The following MAST2 variants were observed in gnomAD, a reference collection of about 807,000 sequenced individuals.
MAST2 encodes the protein microtubule-associated serine/threonine-protein kinase 2.
MAST2 carries 70 observed loss-of-function variants against 147.4 expected under a neutral mutation model. That is an observed-to-expected ratio of 0.47 (90% CI 0.39 to 0.58). The LOEUF (loss-of-function observed/expected upper bound fraction) is 0.58, where lower values mean the gene tolerates loss of function less well. Among genes scored for constraint, MAST2 ranks in the 20% least tolerant of loss-of-function variants. The probability of loss-of-function intolerance (pLI) is 0.00; values close to 1 mark genes in which losing one functional copy is unlikely to be tolerated. For synonymous variants in MAST2, 869 were observed against 896.8 expected, an observed-to-expected ratio of 0.97 and a Z score of 0.55; for missense variants, 2,080 against 2,302.3, an observed-to-expected ratio of 0.90 and a Z score of 1.98.
intron 5 of MAST2, among the ~76,000 whole-genome samples, chr1:45,960,183 G>A (rs1660218112): frequency 6.6e-6 from 1 of 152,178 alleles, no homozygotes; most frequent in African/African-American, 2.4e-5. Context: ...ACAGTATAAG[G>A]ACTGATTTAC....
At chr1:46,027,652 GGAAAC>G in intron 16 of MAST2, 74 bp from the exon 17 acceptor site, 6 of 1,486,588 alleles carry the variant, frequency 4.0e-6, no homozygotes, top group Admixed American at 3.9e-5. Flanking sequence ...GCCTGAGTGG[GGAAAC>G]TGGGCATATA....
At chr1:45,914,904 AGTT>A (rs1383123509) in intron 4 of MAST2, among the ~76,000 whole-genome samples, 1 of 152,156 alleles carries the variant, frequency 6.6e-6, no homozygotes, top group Non-Finnish European at 1.5e-5. Context: ...TTTTAAATGG[AGTT>A]TGTAGCTTAA....
At position 46,001,104 on chromosome 1, in the gene MAST2, C is replaced by T. The variant is rs1645257695; in HGVS notation, c.669-1701C>T. The T allele has an allele frequency of 6.9e-6, 5 of 724,964 alleles. No homozygotes were observed. In the Admixed American group the frequency reaches 7.1e-5, roughly 10 times the overall value. The allele number at this position is 724,964 out of a possible 1,614,324, so 44.9% of individuals were successfully genotyped here. The stretch of plus-strand genomic sequence containing the variant: ...ATTCTTCTCTGACTGTGGGTATGAA[C>T]ATTGGGCCTTTCATGTCTTGCAAAG... On this transcript the variant is annotated intron_variant, in intron 6 of 28. Transcript: ENST00000361297.
intron 4 of MAST2, among the ~76,000 whole-genome samples, chr1:45,932,930 G>T (rs1655550611): frequency 6.6e-6 from 1 of 151,718 alleles, no homozygotes; most frequent in Non-Finnish European, 1.5e-5. Flanking sequence ...TTTTCTCTAG[G>T]CAGCATAGTT....
intron 4 of MAST2, among the ~76,000 whole-genome samples, chr1:45,925,956 C>G (rs1654297635): frequency 6.6e-6 from 1 of 152,170 alleles, no homozygotes; most frequent in South Asian, 2.1e-4. Context: ...TGGGCCTCCT[C>G]CAGAACTAGG....
At chr1:45,852,703 A>G (rs1645660962) in intron 3 of MAST2, among the ~76,000 whole-genome samples, 2 of 152,002 alleles carry the variant, frequency 1.3e-5, no homozygotes, top group South Asian at 4.1e-4. Context: ...GGAACCATAT[A>G]GTATATAACC....
rs1276490468 is a variant in MAST2 at position 45,878,180 on chromosome 1, G to T, written c.469-4184G>T. Among the ~76,000 whole-genome samples the T allele has an allele frequency of 2.0e-5, 3 of 148,002 alleles. No homozygotes were observed. The East Asian group carries it at 6.0e-4, about 30-fold the overall frequency. ...GATCACGCCACTGCATTCCAGTCTGGGTGATGGAGCAAGGCTCTATCTCAA... is the reference window on the plus strand; with the variant it reads ...GATCACGCCACTGCATTCCAGTCTGTGTGATGGAGCAAGGCTCTATCTCAA... On this transcript the variant is annotated intron_variant, in intron 3 of 28. Coordinates refer to ENST00000361297, the MANE Select transcript of MAST2 (RefSeq NM_015112.3).
chr1:45,960,954 G>A (rs1287555631), intron 5 of MAST2, among the ~76,000 whole-genome samples: 2 of 152,208 alleles, frequency 1.3e-5, no homozygotes, highest in African/African-American at 4.8e-5. Flanking sequence ...TCTTTGGAGG[G>A]AGAAAGTGAG....
chr1:45,997,882 A>G lies in MAST2; in HGVS notation c.668+83A>G, dbSNP rs1236417747. ...AATTGAATGTCAGATTCCTCCTTTA[A>G]GTGTCACTACTCTTTCAAGTGTATT... On this transcript the variant is annotated intron_variant, in intron 6 of 28. Transcript: ENST00000361297. 6.3e-5 allele frequency: 71 copies of G among 1,121,754 alleles called. No individual in the cohort carries two copies. The East Asian group carries it at 1.5e-3, about 24-fold the overall frequency. The allele number at this position is 1,121,754 out of a possible 1,614,324, so 69.5% of individuals were successfully genotyped here.
intron 3 of MAST2, among the ~76,000 whole-genome samples, chr1:45,839,272 G>GCA (rs1207416600): frequency 2.6e-5 from 4 of 152,146 alleles, no homozygotes; most frequent in African/African-American, 9.7e-5. Context: ...GGGATTACAG[G>GCA]TGCCTGCCAC....
At chr1:45,901,953 A>G (rs1269282793) in intron 4 of MAST2, among the ~76,000 whole-genome samples, 7 of 152,132 alleles carry the variant, frequency 4.6e-5, no homozygotes, top group Non-Finnish European at 1.0e-4. Flanking sequence ...CTCTGTTCCT[A>G]TTTGGATGCT....
At chr1:45,955,458 G>A (rs1448086278) in intron 4 of MAST2, among the ~76,000 whole-genome samples, 2 of 152,070 alleles carry the variant, frequency 1.3e-5, no homozygotes, top group Non-Finnish European at 2.9e-5. Flanking sequence ...TGAATCCATG[G>A]ATGTGGAACC....
At chr1:45,909,433 C>A (rs980618734) in intron 4 of MAST2, among the ~76,000 whole-genome samples, 1 of 151,932 alleles carries the variant, frequency 6.6e-6, no homozygotes, top group African/African-American at 2.4e-5. Flanking sequence ...TTTAAACCAT[C>A]GGAGGAGAGG....
At chr1:45,890,136 C>T (rs1647503681) in intron 4 of MAST2, among the ~76,000 whole-genome samples, 1 of 152,216 alleles carries the variant, frequency 6.6e-6, no homozygotes, top group African/African-American at 2.4e-5. Flanking sequence ...GCGTTCCTGA[C>T]CTCACCCAAA....
intron 5 of MAST2, among the ~76,000 whole-genome samples, chr1:45,977,348 C>T (rs187459298): frequency 1.4e-3 from 206 of 151,460 alleles, no homozygotes; most frequent in African/African-American, 4.7e-3. Flanking sequence ...ATTAGCCAGG[C>T]GTGCTGGCGG....
intron 4 of MAST2, among the ~76,000 whole-genome samples, chr1:45,956,473 A>T (rs971870204): frequency 2.6e-5 from 4 of 152,206 alleles, no homozygotes; most frequent in African/African-American, 9.6e-5. Flanking sequence ...TTTTCACAAA[A>T]TCCAGCATTT....
At chr1:45,857,076 T>C (rs1387511155) in intron 3 of MAST2, among the ~76,000 whole-genome samples, 1 of 152,216 alleles carries the variant, frequency 6.6e-6, no homozygotes, top group African/African-American at 2.4e-5. Context: ...GCATTTATTA[T>C]CTTCTAACAT....
At chr1:45,837,352 A>G (rs932181130) in intron 3 of MAST2, among the ~76,000 whole-genome samples, 1 of 152,204 alleles carries the variant, frequency 6.6e-6, no homozygotes, top group Non-Finnish European at 1.5e-5. Context: ...CCAGAATTTC[A>G]TAGGAATGGA....
intron 3 of MAST2, among the ~76,000 whole-genome samples, chr1:45,853,605 C>A (rs1009684342): frequency 2.0e-5 from 3 of 151,612 alleles, no homozygotes; most frequent in African/African-American, 7.3e-5. Flanking sequence ...CCACCCACCC[C>A]GGCCTCCCAA....
Sources: gnomAD v4.1 joint callset for allele counts (sites outside exome capture counted in the v4.1 genomes callset) on GRCh38, gnomAD v4.1.1 for gene constraint, MANE v1.5 for transcripts, NCBI Gene and HGNC (gene_info 2026-07-23, HGNC 2026-07-21) for gene names.